The following ZNF182 variants were observed in gnomAD, a reference collection of about 807,000 sequenced individuals.
The protein encoded by ZNF182 is zinc finger protein 21 (KOX 14).
ZNF182 carries 10 observed loss-of-function variants against 28.1 expected under a neutral mutation model. The ratio of observed to expected loss-of-function variants is 0.36; its 90% CI spans 0.22 to 0.60. The LOEUF (loss-of-function observed/expected upper bound fraction) is 0.60, where lower values mean the gene tolerates loss of function less well. Among genes scored for constraint, ZNF182 ranks in the 20% least tolerant of loss-of-function variants. ZNF182 has a pLI of 0.75. For missense variants in ZNF182, 352 were observed against 453.2 expected, an observed-to-expected ratio of 0.78 and a Z score of 2.03; for synonymous variants, 156 against 158.7, an observed-to-expected ratio of 0.98 and a Z score of 0.13.
chrX:47,983,913 A>G (rs1226905524), intron 3 of ZNF182, among the ~76,000 whole-genome samples: 1 of 112,056 alleles, frequency 8.9e-6, no homozygotes, highest in African/African-American at 3.2e-5. Context: ...GAGTAGGGAA[A>G]CAATTCTATA....
chrX:47,991,727 A>T (rs1556900483), intron 3 of ZNF182, among the ~76,000 whole-genome samples: 1 of 111,403 alleles, frequency 9.0e-6, no homozygotes, highest in East Asian at 2.8e-4. Flanking sequence ...GAAAGCACAC[A>T]GGTTAGGGAC....
Position 47,977,397 on chromosome X carries a change from T to C in ZNF182, c.633A>G (p.Gly211=). 1 of 1,207,548 alleles carries C rather than the reference T, an allele frequency of 8.3e-7. No homozygotes were observed. Among genetic ancestry groups the C allele is most frequent in the Non-Finnish European group, 1.1e-6 (1 of 894,238 alleles). Residue 211 remains glycine (G), a synonymous_variant, in exon 6 of 6, where the codon GGA becomes GGG. Coordinates refer to ENST00000376943, the MANE Select transcript of ZNF182 (RefSeq NM_001007088.2). The part of the protein sequence containing the change: ...GLSLHQRIKN[G]EKPFECTACR... ...ATGCAGTACATTCAAAGGGTTTCTCTCCATTTTTAATTCTCTGATGTAGAC... is the reference window on the plus strand; with the variant it reads ...ATGCAGTACATTCAAAGGGTTTCTCCCCATTTTTAATTCTCTGATGTAGAC...
intron 3 of ZNF182, among the ~76,000 whole-genome samples, chrX:47,983,773 T>C (rs2058914911): frequency 1.8e-5 from 2 of 111,831 alleles, no homozygotes; most frequent in Admixed American, 1.9e-4. Context: ...GATATCTATA[T>C]GGAGAAAATG....
chrX:47,989,478 G>C (rs2058934294), intron 3 of ZNF182, among the ~76,000 whole-genome samples: 2 of 109,168 alleles, frequency 1.8e-5, no homozygotes, highest in Non-Finnish European at 3.8e-5. Flanking sequence ...TGTGATACAA[G>C]GATACATCAC....
chrX:47,986,777 G>A (rs367956059), intron 3 of ZNF182, among the ~76,000 whole-genome samples: 54 of 111,686 alleles, frequency 4.8e-4, no homozygotes, highest in Non-Finnish European at 8.1e-4. Flanking sequence ...AGAATAAAGC[G>A]GGCAGAAGAA....
At chrX:47,993,534 A>G (rs1296613955) in intron 3 of ZNF182, among the ~76,000 whole-genome samples, 2 of 111,901 alleles carry the variant, frequency 1.8e-5, no homozygotes, top group Non-Finnish European at 3.8e-5. Flanking sequence ...GAGGTTCTGC[A>G]CTAATTCTAG....
At position 47,977,781 on chromosome X, in the gene ZNF182, A is replaced by C. The variant is rs1556898557; in HGVS notation, c.249T>G (p.Asp83Glu). ...CCTGATGTTGCCTCTCAATCTGTTC[A>C]TCAACTTGACAGACTTCTAGAAAGA... ...FWNFPEVCQVDEQIERQHQDD... is the reference protein window; with the variant it reads ...FWNFPEVCQVEEQIERQHQDD... Residue 83 changes from aspartate (D) to glutamate (E), a missense_variant, in exon 6 of 6, where the codon GAT (aspartate) becomes GAG (glutamate). Transcript: ENST00000376943. 1 of 1,178,349 alleles carries C rather than the reference A, an allele frequency of 8.5e-7. No homozygotes were observed. Among genetic ancestry groups the C allele is most frequent in the Admixed American group, 2.4e-5 (1 of 41,726 alleles).
chrX:47,979,623 T>C (rs1485507788), intron 5 of ZNF182, among the ~76,000 whole-genome samples: 1 of 111,745 alleles, frequency 8.9e-6, no homozygotes, highest in African/African-American at 3.3e-5. Flanking sequence ...TTTAAATCAT[T>C]TACCACCACT....
At chrX:48,002,019 G>C (rs2058979971) in intron 3 of ZNF182, among the ~76,000 whole-genome samples, 1 of 111,908 alleles carries the variant, frequency 8.9e-6, no homozygotes, top group Non-Finnish European at 1.9e-5. Flanking sequence ...AATATGGTGG[G>C]CTGCAGGTAT....
chrX:48,000,127 C>A (rs1315702613), intron 3 of ZNF182, among the ~76,000 whole-genome samples: 1 of 109,955 alleles, frequency 9.1e-6, no homozygotes, highest in African/African-American at 3.3e-5. Flanking sequence ...TAGAGCAAGA[C>A]TCCATCTCAA....
rs782015932 is a variant in ZNF182 at position 47,977,558 on chromosome X, T to G, written c.472A>C (p.Ser158Arg). The G allele has an allele frequency of 2.3e-5, 28 of 1,207,388 alleles. No individual in the cohort carries two copies. The highest frequency in any genetic ancestry group is 3.1e-5 in the Non-Finnish European group (28 of 893,364). Reference protein sequence around the residue: ...MVDNLDLFSRSSAENKYDNGC... With the variant: ...MVDNLDLFSRRSAENKYDNGC... Reference sequence around the variant, plus strand: ...TTATCATATTTATTTTCTGCAGAACTTCTACTAAATAAGTCTAAATTATCT... The same window carrying G: ...TTATCATATTTATTTTCTGCAGAACGTCTACTAAATAAGTCTAAATTATCT... The change falls in exon 6 of 6, where the codon AGT (serine) becomes CGT (arginine). Residue 158 changes from serine (S) to arginine (R), a missense_variant. Coordinates refer to ENST00000376943, the MANE Select transcript of ZNF182 (RefSeq NM_001007088.2).
chrX:47,993,148 T>A (rs1556900652), intron 3 of ZNF182, among the ~76,000 whole-genome samples: 1 of 112,547 alleles, frequency 8.9e-6, no homozygotes, highest in East Asian at 2.8e-4. Context: ...ATTTAATCAA[T>A]CATGCCCATG....
chrX:47,987,457 A>G (rs2058926990), intron 3 of ZNF182, among the ~76,000 whole-genome samples: 1 of 112,870 alleles, frequency 8.9e-6, no homozygotes, highest in African/African-American at 3.2e-5. Flanking sequence ...CAAATTGTGT[A>G]TTATATTCAG....
At chrX:47,998,728 G>A (rs888131046) in intron 3 of ZNF182, among the ~76,000 whole-genome samples, 7 of 110,507 alleles carry the variant, frequency 6.3e-5, no homozygotes, top group East Asian at 2.9e-4. Context: ...GCGTGGTGGC[G>A]GGCGCCTGTA....
chrX:47,997,302 G>C (rs2058962166), intron 3 of ZNF182, among the ~76,000 whole-genome samples: 1 of 101,937 alleles, frequency 9.8e-6, no homozygotes, highest in Non-Finnish European at 2.0e-5. Flanking sequence ...CTGGGTGAGA[G>C]AGGGAGATCC....
intron 3 of ZNF182, among the ~76,000 whole-genome samples, chrX:47,992,317 C>T (rs1240857163): frequency 8.9e-6 from 1 of 111,901 alleles, no homozygotes; most frequent in Non-Finnish European, 1.9e-5. Context: ...ACCTTTGACA[C>T]AGTCTCCAGT....
chrX:48,002,510 T>C (rs782803447), intron 3 of ZNF182, 85 bp downstream of exon 3: 85 of 1,150,675 alleles, frequency 7.4e-5, no homozygotes, highest in Middle Eastern at 4.7e-4. Context: ...TTACAAATAC[T>C]TTCCTATTTT....
chrX:47,995,206 C>T (rs1476585026), intron 3 of ZNF182, among the ~76,000 whole-genome samples: 2 of 109,846 alleles, frequency 1.8e-5, no homozygotes, highest in Admixed American at 1.9e-4. Flanking sequence ...GTGGTGTGCA[C>T]CTGTAGTCCC....
At chrX:47,982,128 T>G (rs2058908079) in intron 5 of ZNF182, among the ~76,000 whole-genome samples, 1 of 112,326 alleles carries the variant, frequency 8.9e-6, no homozygotes, top group South Asian at 3.6e-4. Context: ...AATGGAATTT[T>G]ATTCCTCCAT....
Sources: gnomAD v4.1 joint callset for allele counts (sites outside exome capture counted in the v4.1 genomes callset) on GRCh38, gnomAD v4.1.1 for gene constraint, MANE v1.5 for transcripts, NCBI Gene and HGNC (gene_info 2026-07-23, HGNC 2026-07-21) for gene names.